Variants in TMPRSS3 observed in about 807,000 individuals in gnomAD.
The protein encoded by TMPRSS3 is transmembrane protease serine 3.
In TMPRSS3, 55 loss-of-function variants were observed where a neutral mutation model predicts 59.6. The ratio of observed to expected loss-of-function variants is 0.92; its 90% CI spans 0.74 to 1.16. The LOEUF (loss-of-function observed/expected upper bound fraction) is 1.16. TMPRSS3 is among the 50% of genes most tolerant of loss of function. The probability of loss-of-function intolerance (pLI) is 0.00; values close to 1 mark genes in which losing one functional copy is unlikely to be tolerated. For missense variants in TMPRSS3, 596 were observed against 579.4 expected, an observed-to-expected ratio of 1.03 and a Z score of -0.29; for synonymous variants, 257 against 237.7, an observed-to-expected ratio of 1.08 and a Z score of -0.75.
At chr21:42,376,725 C>G in intron 10 of TMPRSS3, 42 bp from the exon 11 acceptor site, 1 of 1,613,234 alleles carries the variant, frequency 6.2e-7, no homozygotes, top group Non-Finnish European at 8.5e-7. Flanking sequence ...AGAAGGAAGC[C>G]CGGCCCAAAA....
Position 42,395,427 on chromosome 21 carries a change from T to C in TMPRSS3, c.-10A>G, listed in dbSNP as rs770405018. The C allele has an allele frequency of 6.2e-7, 1 of 1,613,082 alleles. No homozygotes were observed. Among genetic ancestry groups the C allele is most frequent in the South Asian group, 1.1e-5 (1 of 91,052 alleles). ...GATCATTTTCCCCCATGGTGACTAT[T>C]TCAGGACCTCTGACATCCGGCTCCG... On this transcript the variant is annotated 5_prime_UTR_variant, in exon 2 of 13. Transcript: ENST00000644384.
At position 42,382,472 on chromosome 21, in the gene TMPRSS3, G is replaced by T. The variant is rs919844430; in HGVS notation, c.783-238C>A. The T allele has an allele frequency of 7.2e-6, 4 of 552,716 alleles. No homozygotes were observed. The Admixed American group carries it at 1.2e-4, about 16-fold the overall frequency. The allele number at this position is 552,716 out of a possible 1,614,324, so 34.2% of individuals were successfully genotyped here. A position where few individuals can be genotyped will look rare whatever the true frequency, so the allele number is the denominator to read the frequency against. On this transcript the variant is annotated intron_variant, in intron 8 of 12. Coordinates refer to ENST00000644384, the MANE Select transcript of TMPRSS3 (RefSeq NM_001256317.3). ...TCTCAGCACCTCTGAGGTCGTCTTGGCATTTGAGGGCTGAACTCAACATTG... is the reference window on the plus strand; with the variant it reads ...TCTCAGCACCTCTGAGGTCGTCTTGTCATTTGAGGGCTGAACTCAACATTG...
intron 2 of TMPRSS3, chr21:42,390,489 A>G: frequency 5.0e-6 from 1 of 201,776 alleles, no homozygotes; most frequent in Non-Finnish European, 1.0e-5. Flanking sequence ...ACATTTTGGG[A>G]AGCCAAAGCG....
In TMPRSS3 at chr21:42,382,141, G is replaced by T; in HGVS notation, c.876C>A (p.Tyr292Ter). The T allele has an allele frequency of 6.2e-7, 1 of 1,614,198 alleles. No individual in the cohort carries two copies. Among genetic ancestry groups the T allele is most frequent in the African/African-American group, 1.3e-5 (1 of 75,050 alleles). The change falls in exon 9 of 13, where the codon TAC (tyrosine) becomes TAA (stop). Residue 292 changes from tyrosine to a stop codon, truncating the protein, a stop_gained. Transcript: ENST00000644384. LOFTEE classifies it high-confidence loss of function. ...APSHLVEKIV[Y>*]HSKYKPKRLG... ...GCCTCTTTGGCTTGTACTTGCTGTG[G>T]TAGACAATCTTCTCCACCAAGTGGG... is the stretch of plus-strand genomic sequence containing the variant.
chr21:42,388,860 G>T lies in TMPRSS3; in HGVS notation c.322+69C>A. ...GGCAATGACTTGGACCCATTTTACA[G>T]ATGGGAAGGGTCAGGGTTGGCTTCT... On this transcript the variant is annotated intron_variant, in intron 4 of 12. Transcript: ENST00000644384. This position sits in a 1 kb window ranked among gnomAD's most constrained non-coding sequence, Gnocchi z 5.1. The T allele has an allele frequency of 7.4e-7, 1 of 1,350,952 alleles. No individual in the cohort carries two copies. Among genetic ancestry groups the T allele is most frequent in the Non-Finnish European group, 1.1e-6 (1 of 941,372 alleles). 83.7% of individuals were successfully genotyped at this position (1,350,952 alleles called of 1,614,324 possible).
intron 5 of TMPRSS3, among the ~76,000 whole-genome samples, chr21:42,387,575 G>A (rs550154547): frequency 6.6e-6 from 1 of 152,114 alleles, no homozygotes; most frequent in Non-Finnish European, 1.5e-5. Context: ...GCTTCCACCA[G>A]CTTTGGGGAA....
chr21:42,374,999 T>C lies in TMPRSS3; in HGVS notation c.1344+717A>G, dbSNP rs555356770. Reference sequence around the variant, plus strand: ...GTTTGAAACCATCCCAAGGAGAGACTTCATCTGAGATCAAGCCAGCAAATG... The same window carrying C: ...GTTTGAAACCATCCCAAGGAGAGACCTCATCTGAGATCAAGCCAGCAAATG... On this transcript the variant is annotated intron_variant, in intron 12 of 12. Coordinates refer to ENST00000644384, the MANE Select transcript of TMPRSS3 (RefSeq NM_001256317.3). Among the ~76,000 whole-genome samples, 205 of 119,082 alleles carry C rather than the reference T, an allele frequency of 1.7e-3. 1 individual carries two copies. Among genetic ancestry groups the C allele is most frequent in the African/African-American group, 7.4e-3 (199 of 26,732 alleles). The allele number at this position is 119,082 out of a possible 152,430, so 78.1% of individuals were successfully genotyped here.
chr21:42,378,516 G>C (rs1003968030), intron 10 of TMPRSS3, among the ~76,000 whole-genome samples: 11 of 152,112 alleles, frequency 7.2e-5, no homozygotes, highest in African/African-American at 1.2e-4. Flanking sequence ...ACAGGAGAGG[G>C]AAGTTTGAGA....
chr21:42,382,116 G>C lies in TMPRSS3; in HGVS notation c.901C>G (p.Leu301Val), dbSNP rs573439830. Residue 301 changes from leucine to valine, a missense_variant, in exon 9 of 13, where the codon CTG (leucine) becomes GTG (valine). Physicochemically the swap from Leu to Val is conservative, Grantham distance 32. Transcript: ENST00000644384. The part of the protein sequence containing the change: ...VYHSKYKPKR[L>V]GNDIALMKLA... Reference sequence around the variant, plus strand: ...TTCATAAGGGCGATGTCATTGCCCAGCCTCTTTGGCTTGTACTTGCTGTGG... The same window carrying C: ...TTCATAAGGGCGATGTCATTGCCCACCCTCTTTGGCTTGTACTTGCTGTGG... 18 of 1,614,224 alleles carry C rather than the reference G, an allele frequency of 1.1e-5. No individual in the cohort carries two copies. In the African/African-American group the frequency reaches 1.3e-4, roughly 12 times the overall value.
intron 10 of TMPRSS3, among the ~76,000 whole-genome samples, chr21:42,378,870 TTTTGTTTG>T (rs3082133): frequency 9.7e-4 from 144 of 148,586 alleles, no homozygotes; most frequent in African/African-American, 2.1e-3. Context: ...TCAGGCTAAT[TTTTGTTTG>T]TTTGTTTGTT....
At chr21:42,380,272 C>A in intron 9 of TMPRSS3, 60 bp from the exon 10 acceptor site, 1 of 1,378,252 alleles carries the variant, frequency 7.3e-7, no homozygotes, top group Non-Finnish European at 1.0e-6. Context: ...AGAAAACAAT[C>A]TCATCTATGC....
intron 6 of TMPRSS3, among the ~76,000 whole-genome samples, chr21:42,385,045 C>CT (rs1306234261): frequency 0.13 from 16,576 of 127,228 alleles, 3,767 homozygotes; most frequent in African/African-American, 0.27. Flanking sequence ...TCCTCCCTCC[C>CT]TCCCTTCCTT....
Position 42,388,894 on chromosome 21 carries a change from C to T in TMPRSS3, c.322+35G>A. The stretch of plus-strand genomic sequence containing the variant: ...GGTCAGGGTTGGCTTCTGCTGCTTC[C>T]TTCTGTTTCCCCAGGGGAAGAGCCA... On this transcript the variant is annotated intron_variant, in intron 4 of 12. Coordinates refer to ENST00000644384, the MANE Select transcript of TMPRSS3 (RefSeq NM_001256317.3). This position sits in a 1 kb window ranked among gnomAD's most constrained non-coding sequence, Gnocchi z 5.1. 1.3e-6 allele frequency: 2 copies of T among 1,587,712 alleles called. No homozygotes were observed. Among genetic ancestry groups the T allele is most frequent in the Non-Finnish European group, 1.7e-6 (2 of 1,156,484 alleles).
In TMPRSS3 at chr21:42,388,937, T is replaced by C; in HGVS notation, c.314A>G (p.Tyr105Cys). ...VSDCKDGEDE[Y>C]RCVRVGGQNA... ...AAGAGCCATGACCTTACCACAGCGG[T>C]ACTCGTCCTCCCCGTCTTTGCAATC... Residue 105 changes from tyrosine (Y) to cysteine (C), a missense_variant, in exon 4 of 13, where the codon TAC becomes TGC. Transcript: ENST00000644384. This position sits in a 1 kb window ranked among gnomAD's most constrained non-coding sequence, Gnocchi z 5.1. 6.2e-7 allele frequency: 1 copy of C among 1,613,858 alleles called. No individual in the cohort carries two copies. Among genetic ancestry groups the C allele is most frequent in the Non-Finnish European group, 8.5e-7 (1 of 1,179,780 alleles).
intron 12 of TMPRSS3, 123 bp from the exon 13 acceptor site, chr21:42,372,902 A>T: frequency 8.0e-7 from 1 of 1,250,484 alleles, no homozygotes; most frequent in Non-Finnish European, 1.2e-6. Context: ...CACGATGAAG[A>T]CAAGGTTGGC....
chr21:42,391,647 G>A (rs2052736775), intron 2 of TMPRSS3, among the ~76,000 whole-genome samples: 1 of 152,238 alleles, frequency 6.6e-6, no homozygotes, highest in Non-Finnish European at 1.5e-5. Flanking sequence ...TACACAGGCT[G>A]CTCCACATGC....
At chr21:42,385,591 C>G (rs1406835302) in intron 5 of TMPRSS3, 57 bp from the exon 6 acceptor site, 23 of 1,606,126 alleles carry the variant, frequency 1.4e-5, no homozygotes. Flanking sequence ...TTGAAGCATT[C>G]AACCGATGTG....
chr21:42,389,094 G>A (rs749308843), intron 3 of TMPRSS3, 49 bp from the exon 4 acceptor site: 1 of 1,611,278 alleles, frequency 6.2e-7, no homozygotes, highest in South Asian at 1.1e-5. Context: ...CTTTCAGAGT[G>A]CAACACTAAC....
chr21:42,394,294 G>A (rs2052771378), intron 2 of TMPRSS3, among the ~76,000 whole-genome samples: 1 of 151,852 alleles, frequency 6.6e-6, no homozygotes. Context: ...TGATCAAATG[G>A]CTGTGTAAAT....
Sources: allele counts gnomAD v4.1 joint callset (sites outside exome capture counted in the v4.1 genomes callset), GRCh38; gene constraint gnomAD v4.1.1; non-coding constraint Gnocchi (gnomAD v3.1); transcripts MANE v1.5; gene names NCBI Gene and HGNC (gene_info 2026-07-23, HGNC 2026-07-21).